WDR70: variants seen among roughly 807,000 people sequenced by gnomAD.
WDR70 encodes WD repeat domain 70.
In WDR70, 53 loss-of-function variants were observed where a neutral mutation model predicts 88.6. The ratio of observed to expected loss-of-function variants is 0.60; its 90% CI spans 0.48 to 0.75. The LOEUF (loss-of-function observed/expected upper bound fraction) is 0.75, where lower values mean the gene tolerates loss of function less well. Among genes scored for constraint, WDR70 ranks in the 30% least tolerant of loss-of-function variants. The pLI is 0.00. For synonymous variants in WDR70, 280 were observed against 270.0 expected, an observed-to-expected ratio of 1.04 and a Z score of -0.36; for missense variants, 610 against 823.2, an observed-to-expected ratio of 0.74 and a Z score of 3.17.
chr5:37,687,129 A>T (rs1746633514), intron 10 of WDR70, among the ~76,000 whole-genome samples: 1 of 152,130 alleles, frequency 6.6e-6, no homozygotes, highest in South Asian at 2.1e-4. Context: ...AGTTAGGTTG[A>T]CATTGTTTTC....
At chr5:37,510,800 T>C (rs1349591587) in intron 8 of WDR70, among the ~76,000 whole-genome samples, 1 of 152,206 alleles carries the variant, frequency 6.6e-6, no homozygotes, top group Non-Finnish European at 1.5e-5. Flanking sequence ...TCGTCTTTAT[T>C]TTTCCTTGAC....
Position 37,679,744 on chromosome 5 carries a change from A to G in WDR70, c.1093-17911A>G, listed in dbSNP as rs1421888904. Among the ~76,000 whole-genome samples the G allele has an allele frequency of 2.6e-5, 4 of 152,266 alleles. No individual in the cohort carries two copies. In the East Asian group the frequency reaches 7.7e-4, roughly 29 times the overall value. ...CAGATCTCCAGCTGCGTGCTGGGAG[A>G]ACCACTGGTCTCTTCAGAGCTGTCA... On this transcript the variant is annotated intron_variant, in intron 10 of 17. Coordinates refer to ENST00000265107, the MANE Select transcript of WDR70 (RefSeq NM_018034.4).
intron 5 of WDR70, among the ~76,000 whole-genome samples, chr5:37,408,105 A>T (rs969361805): frequency 6.6e-6 from 1 of 152,136 alleles, no homozygotes; most frequent in African/African-American, 2.4e-5. Context: ...TTTTTCTGCC[A>T]TCTTTAGTAT....
intron 5 of WDR70, among the ~76,000 whole-genome samples, chr5:37,404,074 A>G (rs1749281776): frequency 1.3e-5 from 2 of 152,204 alleles, no homozygotes; most frequent in South Asian, 4.1e-4. Flanking sequence ...TGTAAGAATC[A>G]GCTTTGGTGC....
At chr5:37,703,524 TA>T (rs1747229110) in intron 13 of WDR70, among the ~76,000 whole-genome samples, 1 of 152,254 alleles carries the variant, frequency 6.6e-6, no homozygotes. Flanking sequence ...TTGTAGTCAT[TA>T]AAGTCAGGCT....
chr5:37,498,662 A>C (rs1318687622), intron 8 of WDR70, among the ~76,000 whole-genome samples: 1 of 152,186 alleles, frequency 6.6e-6, no homozygotes, highest in East Asian at 1.9e-4. Flanking sequence ...TTTCTCAGTA[A>C]ATGGCATTGC....
chr5:37,720,270 G>T (rs940023952), intron 13 of WDR70, among the ~76,000 whole-genome samples: 2 of 152,062 alleles, frequency 1.3e-5, no homozygotes, highest in African/African-American at 4.8e-5. Context: ...CTCATATCTT[G>T]TTCTATCAGA....
At chr5:37,400,089 C>T (rs1336518900) in intron 5 of WDR70, among the ~76,000 whole-genome samples, 13 of 152,160 alleles carry the variant, frequency 8.5e-5, no homozygotes, top group African/African-American at 1.7e-4. Flanking sequence ...TCTGCCACCA[C>T]GCCTGGCTAA....
rs933890935 is a variant in WDR70, at chr5:37,418,726, C to T, written c.493-19196C>T. On this transcript the variant is annotated intron_variant, in intron 5 of 17. Transcript: ENST00000265107. Reference sequence around the variant, plus strand: ...CTTTCTAAAAACTTTTTTTCTGTTACCCAAGGATATTTACTATCATCAGTA... The same window carrying T: ...CTTTCTAAAAACTTTTTTTCTGTTATCCAAGGATATTTACTATCATCAGTA... 2.8e-4 allele frequency among the ~76,000 whole-genome samples: 42 copies of T among 151,978 alleles called. 1 individual carries two copies. The highest frequency in any genetic ancestry group is 2.7e-3 in the Admixed American group (41 of 15,258).
At chr5:37,590,213 G>GT (rs1743489183) in intron 9 of WDR70, among the ~76,000 whole-genome samples, 1 of 152,152 alleles carries the variant, frequency 6.6e-6, no homozygotes, top group Non-Finnish European at 1.5e-5. Context: ...TTACAGACTT[G>GT]TACAACCATT....
chr5:37,679,713 C>T (rs990624096), intron 10 of WDR70, among the ~76,000 whole-genome samples: 4 of 152,200 alleles, frequency 2.6e-5, no homozygotes, highest in Non-Finnish European at 2.9e-5. Context: ...GCAGTCTGCC[C>T]GTTCTCAGAT....
intron 8 of WDR70, among the ~76,000 whole-genome samples, chr5:37,480,672 T>C (rs1739636249): frequency 1.3e-5 from 2 of 152,306 alleles, no homozygotes; most frequent in African/African-American, 4.8e-5. Context: ...TGGGAATTGT[T>C]ACAATTCAAG....
chr5:37,588,908 G>T (rs1486576383), intron 9 of WDR70, among the ~76,000 whole-genome samples: 1 of 152,010 alleles, frequency 6.6e-6, no homozygotes. Context: ...GGGATTACAG[G>T]CGCTGGCCAC....
chr5:37,621,771 A>G (rs984549668), intron 10 of WDR70, among the ~76,000 whole-genome samples: 12 of 152,006 alleles, frequency 7.9e-5, no homozygotes, highest in Admixed American at 3.9e-4. Flanking sequence ...TGTTGCCATT[A>G]CTTTTGGTGT....
At chr5:37,487,425 AT>A (rs1739906314) in intron 8 of WDR70, among the ~76,000 whole-genome samples, 1 of 151,466 alleles carries the variant, frequency 6.6e-6, no homozygotes, top group Non-Finnish European at 1.5e-5. Context: ...TTACTGGAAA[AT>A]TCAATGAATA....
At chr5:37,414,138 C>G (rs1461214061) in intron 5 of WDR70, among the ~76,000 whole-genome samples, 2 of 127,560 alleles carry the variant, frequency 1.6e-5, no homozygotes, top group African/African-American at 5.9e-5. Context: ...GAGCAAAACT[C>G]TGTCTCAAAA....
intron 5 of WDR70, among the ~76,000 whole-genome samples, chr5:37,423,200 G>A: frequency 6.6e-6 from 1 of 151,924 alleles, no homozygotes; most frequent in East Asian, 1.9e-4. Flanking sequence ...TTTTATAATT[G>A]ACAAAGCTGA....
At chr5:37,477,193 G>T (rs1423550605) in intron 7 of WDR70, among the ~76,000 whole-genome samples, 4 of 152,006 alleles carry the variant, frequency 2.6e-5, no homozygotes, top group Admixed American at 6.6e-5. Flanking sequence ...TTTTATTAGG[G>T]ATCATTTTCT....
At chr5:37,464,570 A>T (rs572681206) in intron 7 of WDR70, among the ~76,000 whole-genome samples, 4 of 152,272 alleles carry the variant, frequency 2.6e-5, no homozygotes, top group African/African-American at 9.6e-5. Context: ...AGGAGCATCA[A>T]CCCCTGGGGT....
Sources: allele counts gnomAD v4.1 joint callset (sites outside exome capture counted in the v4.1 genomes callset), GRCh38; gene constraint gnomAD v4.1.1; transcripts MANE v1.5; gene names NCBI Gene and HGNC (gene_info 2026-07-23, HGNC 2026-07-21).